Variants in AGAP1 observed in about 807,000 individuals in gnomAD.
AGAP1 encodes arf-GAP with GTPase, ANK repeat and PH domain-containing protein 1.
In AGAP1, 29 loss-of-function variants were observed where a neutral mutation model predicts 105.3. The ratio of observed to expected loss-of-function variants is 0.28; its 90% CI spans 0.21 to 0.38. The LOEUF (loss-of-function observed/expected upper bound fraction) is 0.38. AGAP1 is among the 10% of genes least tolerant of loss of function. The probability of loss-of-function intolerance (pLI) is 1.00; values close to 1 mark genes in which losing one functional copy is unlikely to be tolerated. For synonymous variants in AGAP1, 509 were observed against 485.9 expected, an observed-to-expected ratio of 1.05 and a Z score of -0.63; for missense variants, 998 against 1,165.1, an observed-to-expected ratio of 0.86 and a Z score of 2.09.
At chr2:235,638,990 G>T (rs1351970974) in intron 1 of AGAP1, among the ~76,000 whole-genome samples, 1 of 152,148 alleles carries the variant, frequency 6.6e-6, no homozygotes, top group East Asian at 1.9e-4. Flanking sequence ...AATGTCCACT[G>T]GGGGGCAGAA....
At chr2:236,116,065 C>T (rs535826008) in intron 16 of AGAP1, among the ~76,000 whole-genome samples, 14 of 151,970 alleles carry the variant, frequency 9.2e-5, no homozygotes, top group African/African-American at 3.1e-4. Flanking sequence ...CTCGGCCTCC[C>T]GGAGTGTGAG....
In AGAP1 at chr2:236,012,474, C is replaced by T. The variant is rs2056548546; in HGVS notation, c.1646-24087C>T. The stretch of plus-strand genomic sequence containing the variant: ...CATGCCTAATTCTGCATCATCATGC[C>T]TGGGGCCCCTGGTACATACCCATCA... On this transcript the variant is annotated intron_variant, in intron 13 of 17. Coordinates refer to ENST00000304032, the MANE Select transcript of AGAP1 (RefSeq NM_001037131.3). The surrounding 1 kb of genome is among the most constrained non-coding windows in gnomAD (Gnocchi z 4.9). Among the ~76,000 whole-genome samples the T allele has an allele frequency of 6.6e-6, 1 of 152,134 alleles. No individual in the cohort carries two copies. Among genetic ancestry groups the T allele is most frequent in the Non-Finnish European group, 1.5e-5 (1 of 68,026 alleles).
intron 6 of AGAP1, among the ~76,000 whole-genome samples, chr2:235,756,252 G>A (rs1003439845): frequency 6.6e-6 from 1 of 152,210 alleles, no homozygotes; most frequent in Non-Finnish European, 1.5e-5. Context: ...GAACACAGGG[G>A]CCTGTGTTGT....
chr2:236,075,019 C>T (rs954474011), intron 16 of AGAP1, among the ~76,000 whole-genome samples: 1 of 152,156 alleles, frequency 6.6e-6, no homozygotes, highest in Non-Finnish European at 1.5e-5. Flanking sequence ...CTCCACTGCA[C>T]TCCAGCTTAG....
chr2:235,606,052 C>T lies in AGAP1; in HGVS notation c.164-103127C>T, dbSNP rs569549638. Among the ~76,000 whole-genome samples, 10 of 152,348 alleles carry T rather than the reference C, an allele frequency of 6.6e-5. No homozygotes were observed. The East Asian group carries it at 1.5e-3, about 24-fold the overall frequency. ...TAAGGAAAACAACAAAACAAGCAAACATGTTTATAGGTCTGCAGAGAAGAA... is the reference window on the plus strand; with the variant it reads ...TAAGGAAAACAACAAAACAAGCAAATATGTTTATAGGTCTGCAGAGAAGAA... On this transcript the variant is annotated intron_variant, in intron 1 of 17. Coordinates refer to ENST00000304032, the MANE Select transcript of AGAP1 (RefSeq NM_001037131.3).
rs2052989190 is a variant in AGAP1, at chr2:235,936,380, G to C, written c.1483+5457G>C. ...TTATATCTTTCCAGTAGACTCTGTG[G>C]TTATAAAGCAGCCGATCCTCAATGG... is the stretch of plus-strand genomic sequence containing the variant. On this transcript the variant is annotated intron_variant, in intron 12 of 17. Coordinates refer to ENST00000304032, the MANE Select transcript of AGAP1 (RefSeq NM_001037131.3). The surrounding 1 kb of genome is among the most constrained non-coding windows in gnomAD (Gnocchi z 4.7). Among the ~76,000 whole-genome samples, 1 of 152,168 alleles carries C rather than the reference G, an allele frequency of 6.6e-6. No individual in the cohort carries two copies. Among genetic ancestry groups the C allele is most frequent in the East Asian group, 1.9e-4 (1 of 5,200 alleles).
Position 235,753,512 on chromosome 2 carries a change from C to T in AGAP1, c.673+3024C>T, listed in dbSNP as rs1216788104. ...CTGAGGTCCATAGTTCGAGACCAGC[C>T]TGGCCACCATGGCGAAATCCCATCT... On this transcript the variant is annotated intron_variant, in intron 6 of 17. Coordinates refer to ENST00000304032, the MANE Select transcript of AGAP1 (RefSeq NM_001037131.3). This position sits in a 1 kb window ranked among gnomAD's most constrained non-coding sequence, Gnocchi z 4.5. Among the ~76,000 whole-genome samples, 2 of 152,146 alleles carry T rather than the reference C, an allele frequency of 1.3e-5. No individual in the cohort carries two copies. The highest frequency in any genetic ancestry group is 2.9e-5 in the Non-Finnish European group (2 of 68,040).
rs1192802877 is a variant in AGAP1, at chr2:236,076,696, A to G, written c.2114+27415A>G. ...TCTTTGTGGCACTTAATAATTTCCC[A>G]AACCACTAAAGAGGGAAGCCCCAGC... On this transcript the variant is annotated intron_variant, in intron 16 of 17. Transcript: ENST00000304032. This position sits in a 1 kb window ranked among gnomAD's most constrained non-coding sequence, Gnocchi z 4.4. 6.6e-6 allele frequency among the ~76,000 whole-genome samples: 1 copy of G among 152,210 alleles called. No homozygotes were observed. Among genetic ancestry groups the G allele is most frequent in the African/African-American group, 2.4e-5 (1 of 41,464 alleles).
chr2:235,903,956 A>G (rs1428047995), intron 10 of AGAP1, among the ~76,000 whole-genome samples: 1 of 151,884 alleles, frequency 6.6e-6, no homozygotes, highest in Non-Finnish European at 1.5e-5. Context: ...GTCCTTCTCC[A>G]AAGGCAGCCC....
In AGAP1 at chr2:235,733,737, A is replaced by C. The variant is rs1952081895; in HGVS notation, c.311-7226A>C. ...ACTTCACTGCGGGTCAGAACCCCGG[A>C]GTGTTTCACCCATGGAAATAGTCAG... On this transcript the variant is annotated intron_variant, in intron 3 of 17. Transcript: ENST00000304032. This position sits in a 1 kb window ranked among gnomAD's most constrained non-coding sequence, Gnocchi z 5.0. 6.6e-6 allele frequency among the ~76,000 whole-genome samples: 1 copy of C among 152,104 alleles called. No homozygotes were observed. Among genetic ancestry groups the C allele is most frequent in the Non-Finnish European group, 1.5e-5 (1 of 68,034 alleles).
intron 1 of AGAP1, among the ~76,000 whole-genome samples, chr2:235,587,480 G>T (rs113330605): frequency 2.6e-5 from 4 of 152,192 alleles, no homozygotes; most frequent in Admixed American, 1.3e-4. Flanking sequence ...GGCCGGGTGC[G>T]GTGGCTCATG....
chr2:235,859,349 G>A (rs2048818439), intron 9 of AGAP1, among the ~76,000 whole-genome samples: 1 of 149,332 alleles, frequency 6.7e-6, no homozygotes, highest in African/African-American at 2.5e-5. Context: ...TACTGGCCCG[G>A]TGAGAACCCC....
chr2:235,893,469 C>T lies in AGAP1; in HGVS notation c.1155+10020C>T, dbSNP rs2050647287. 6.7e-6 allele frequency among the ~76,000 whole-genome samples: 1 copy of T among 149,236 alleles called. No individual in the cohort carries two copies. Among genetic ancestry groups the T allele is most frequent in the South Asian group, 2.1e-4 (1 of 4,656 alleles). ...AGCTGTGTCTGTGGTGCGGGTGCACCATGTCCATCATAAGGGTGAGCCATG... is the reference window on the plus strand; with the variant it reads ...AGCTGTGTCTGTGGTGCGGGTGCACTATGTCCATCATAAGGGTGAGCCATG... On this transcript the variant is annotated intron_variant, in intron 10 of 17. Transcript: ENST00000304032. This position sits in a 1 kb window ranked among gnomAD's most constrained non-coding sequence, Gnocchi z 4.7.
chr2:235,962,384 C>T lies in AGAP1; in HGVS notation c.1484-6078C>T, dbSNP rs2054229456. ...AGGAGAGATGGTGGGAGAAGGGAAA[C>T]TTACAAGGGTGAGTTTCAAGTCGTG... On this transcript the variant is annotated intron_variant, in intron 12 of 17. Coordinates refer to ENST00000304032, the MANE Select transcript of AGAP1 (RefSeq NM_001037131.3). The surrounding 1 kb of genome is among the most constrained non-coding windows in gnomAD (Gnocchi z 5.3). 6.6e-6 allele frequency among the ~76,000 whole-genome samples: 1 copy of T among 152,072 alleles called. No individual in the cohort carries two copies. Among genetic ancestry groups the T allele is most frequent in the Non-Finnish European group, 1.5e-5 (1 of 68,030 alleles).
rs1172676393 is a variant in AGAP1 at position 236,073,755 on chromosome 2, G to T, written c.2114+24474G>T. Reference sequence around the variant, plus strand: ...TTCATTGGTGGTGGGGGTACAGGCAGGTCAGCTTGTTCACATGGGCTGCAA... The same window carrying T: ...TTCATTGGTGGTGGGGGTACAGGCATGTCAGCTTGTTCACATGGGCTGCAA... On this transcript the variant is annotated intron_variant, in intron 16 of 17. Transcript: ENST00000304032. This position sits in a 1 kb window ranked among gnomAD's most constrained non-coding sequence, Gnocchi z 5.4. 6.6e-6 allele frequency among the ~76,000 whole-genome samples: 1 copy of T among 152,256 alleles called. No individual in the cohort carries two copies. The highest frequency in any genetic ancestry group is 1.5e-5 in the Non-Finnish European group (1 of 68,022).
intron 13 of AGAP1, among the ~76,000 whole-genome samples, chr2:235,969,069 T>A (rs1184892611): frequency 6.6e-6 from 1 of 152,246 alleles, no homozygotes; most frequent in Non-Finnish European, 1.5e-5. Flanking sequence ...TTTCAGCTTT[T>A]AGCAACGTGT....
rs538377481 is a variant in AGAP1, at chr2:235,510,839, A to G, written c.163+15990A>G. Among the ~76,000 whole-genome samples, 13 of 152,178 alleles carry G rather than the reference A, an allele frequency of 8.5e-5. No individual in the cohort carries two copies. In the South Asian group the frequency reaches 2.1e-3, roughly 24 times the overall value. ...GCTGAGGAGGGAAAGGAGAAGCCTC[A>G]GAAAGAGGTGCAGACTGAAGACCAC... On this transcript the variant is annotated intron_variant, in intron 1 of 17. Coordinates refer to ENST00000304032, the MANE Select transcript of AGAP1 (RefSeq NM_001037131.3).
chr2:235,812,859 A>C (rs1005356533), intron 9 of AGAP1, among the ~76,000 whole-genome samples: 1 of 152,234 alleles, frequency 6.6e-6, no homozygotes, highest in African/African-American at 2.4e-5. Flanking sequence ...CCACGTGGCA[A>C]ATCAGCTCTG....
chr2:235,757,902 G>A (rs1954064952), intron 6 of AGAP1, among the ~76,000 whole-genome samples: 1 of 152,238 alleles, frequency 6.6e-6, no homozygotes, highest in African/African-American at 2.4e-5. Flanking sequence ...TAGAGCATCT[G>A]TGAATGTAAG....
Sources: gnomAD v4.1 joint callset for allele counts (sites outside exome capture counted in the v4.1 genomes callset) on GRCh38, gnomAD v4.1.1 for gene constraint, Gnocchi (gnomAD v3.1) non-coding constraint, MANE v1.5 for transcripts, NCBI Gene and HGNC (gene_info 2026-07-23, HGNC 2026-07-21) for gene names.